The following ZDHHC14 variants were observed in gnomAD, a reference collection of about 807,000 sequenced individuals.
ZDHHC14 encodes zDHHC palmitoyltransferase 14.
Under a neutral mutation model 47.7 loss-of-function variants are expected in ZDHHC14, and 16 were observed. The ratio of observed to expected loss-of-function variants is 0.34; its 90% CI spans 0.23 to 0.51. The LOEUF is 0.51. Ranked by LOEUF, ZDHHC14 falls within the 20% of genes least tolerant of loss-of-function variation. ZDHHC14 has a pLI of 0.97. For synonymous variants in ZDHHC14, 293 were observed against 278.9 expected, an observed-to-expected ratio of 1.05 and a Z score of -0.50; for missense variants, 515 against 662.5, an observed-to-expected ratio of 0.78 and a Z score of 2.44.
intron 1 of ZDHHC14, among the ~76,000 whole-genome samples, chr6:157,497,941 A>T (rs1388316205): frequency 6.6e-6 from 1 of 152,228 alleles, no homozygotes; most frequent in Admixed American, 6.5e-5. Context: ...CAAAGAGACA[A>T]TGCCAATATC....
At chr6:157,486,445 A>G (rs1583696461) in intron 1 of ZDHHC14, among the ~76,000 whole-genome samples, 1 of 152,374 alleles carries the variant, frequency 6.6e-6, no homozygotes, top group East Asian at 1.9e-4. Flanking sequence ...CTTTCTAGCT[A>G]TGAAATTCTA....
intron 1 of ZDHHC14, among the ~76,000 whole-genome samples, chr6:157,519,372 A>G (rs1424510298): frequency 3.5e-5 from 3 of 84,840 alleles, no homozygotes; most frequent in Non-Finnish European, 7.7e-5. Context: ...GAAGTAGGGC[A>G]TTGCCTGGAA....
intron 3 of ZDHHC14, among the ~76,000 whole-genome samples, chr6:157,598,242 G>A (rs1389417383): frequency 6.6e-6 from 1 of 152,212 alleles, no homozygotes; most frequent in East Asian, 1.9e-4. Flanking sequence ...GTGTGGATTA[G>A]CACTTGGGAA....
At chr6:157,441,196 A>G (rs918171702) in intron 1 of ZDHHC14, among the ~76,000 whole-genome samples, 1 of 152,186 alleles carries the variant, frequency 6.6e-6, no homozygotes, top group East Asian at 1.9e-4. Flanking sequence ...AAAATAAGAG[A>G]TAGTGTTTTG....
intron 1 of ZDHHC14, among the ~76,000 whole-genome samples, chr6:157,500,040 G>T (rs1323677301): frequency 6.6e-6 from 1 of 152,200 alleles, no homozygotes; most frequent in Non-Finnish European, 1.5e-5. Flanking sequence ...ACTGATAGAA[G>T]AAAATTAAGA....
At chr6:157,535,834 A>G (rs1448153918) in intron 1 of ZDHHC14, among the ~76,000 whole-genome samples, 1 of 152,210 alleles carries the variant, frequency 6.6e-6, no homozygotes, top group Admixed American at 6.5e-5. Flanking sequence ...TTTGTCTCCA[A>G]GTAATGCGCT....
intron 8 of ZDHHC14, among the ~76,000 whole-genome samples, chr6:157,660,231 C>T (rs960583434): frequency 3.6e-4 from 52 of 145,482 alleles, no homozygotes; most frequent in Non-Finnish European, 6.6e-4. Flanking sequence ...TCACTCTTTT[C>T]GCCCAGGCTG....
intron 1 of ZDHHC14, among the ~76,000 whole-genome samples, chr6:157,440,580 C>T (rs1778542519): frequency 6.6e-6 from 1 of 152,120 alleles, no homozygotes. Context: ...CAATTGAATA[C>T]AAATACTGAA....
intron 1 of ZDHHC14, among the ~76,000 whole-genome samples, chr6:157,387,231 GA>G (rs112193006): frequency 7.3e-4 from 106 of 144,318 alleles, no homozygotes; most frequent in Admixed American, 4.2e-3. Context: ...TAATTCCTCT[GA>G]AAAAAAAAAA....
At chr6:157,551,919 TA>T (rs955325978) in intron 2 of ZDHHC14, among the ~76,000 whole-genome samples, 6 of 152,184 alleles carry the variant, frequency 3.9e-5, no homozygotes, top group African/African-American at 1.4e-4. Flanking sequence ...TCAGTGTCTG[TA>T]AAATAGACCC....
intron 1 of ZDHHC14, among the ~76,000 whole-genome samples, chr6:157,511,551 T>A (rs1403492953): frequency 6.8e-6 from 1 of 146,322 alleles, no homozygotes; most frequent in Non-Finnish European, 1.5e-5. Context: ...CGGGTACTTT[T>A]TTTTTTTTTT....
At chr6:157,436,582 G>A (rs1163879180) in intron 1 of ZDHHC14, among the ~76,000 whole-genome samples, 1 of 139,170 alleles carries the variant, frequency 7.2e-6, no homozygotes, top group Non-Finnish European at 1.6e-5. Context: ...ACTGCTGGGG[G>A]AGGGGGGGCG....
chr6:157,415,915 A>G (rs566125655), intron 1 of ZDHHC14, among the ~76,000 whole-genome samples: 2 of 152,132 alleles, frequency 1.3e-5, no homozygotes. Flanking sequence ...AAATAACTCC[A>G]AGGGAGGTAT....
At position 157,381,475 on chromosome 6, in the gene ZDHHC14, G is replaced by A. The variant is rs1411965992; in HGVS notation, c.-547G>A. 19 of 359,672 alleles carry A rather than the reference G, an allele frequency of 5.3e-5. No individual in the cohort carries two copies. The highest frequency in any genetic ancestry group is 9.0e-5 in the Non-Finnish European group (16 of 177,296). The allele number at this position is 359,672 out of a possible 1,614,324, so 22.3% of individuals were successfully genotyped here. On this transcript the variant is annotated 5_prime_UTR_variant, in exon 1 of 9. Coordinates refer to ENST00000359775, the MANE Select transcript of ZDHHC14 (RefSeq NM_024630.3). ...CTGGGAGGGGTTGCCGGTGCCGCGC[G>A]CGGCCGCCCAGTCGCCAGCGCTCTC...
intron 2 of ZDHHC14, among the ~76,000 whole-genome samples, chr6:157,590,421 C>T (rs920634076): frequency 5.3e-5 from 8 of 152,218 alleles, no homozygotes; most frequent in Non-Finnish European, 1.0e-4. Context: ...CCCAGCCACT[C>T]CAGCCATGGT....
intron 1 of ZDHHC14, among the ~76,000 whole-genome samples, chr6:157,404,090 A>G (rs774817114): frequency 5.9e-5 from 9 of 152,198 alleles, no homozygotes; most frequent in African/African-American, 2.2e-4. Flanking sequence ...ATATCTTTGG[A>G]GTCTATTGTA....
At chr6:157,657,142 G>A (rs1276868984) in intron 8 of ZDHHC14, among the ~76,000 whole-genome samples, 1 of 151,972 alleles carries the variant, frequency 6.6e-6, no homozygotes, top group Non-Finnish European at 1.5e-5. Context: ...TTCACCTCCT[G>A]GTCTCAAGGT....
At chr6:157,569,646 A>G (rs1783026877) in intron 2 of ZDHHC14, among the ~76,000 whole-genome samples, 1 of 152,166 alleles carries the variant, frequency 6.6e-6, no homozygotes, top group Admixed American at 6.5e-5. Context: ...ATAGATGTAT[A>G]AAGTAAGTTG....
chr6:157,400,395 G>A (rs975952386), intron 1 of ZDHHC14, among the ~76,000 whole-genome samples: 2 of 152,026 alleles, frequency 1.3e-5, no homozygotes, highest in Admixed American at 1.3e-4. Flanking sequence ...TCCAAACAGT[G>A]CCCTTCAAAC....
Sources: allele counts gnomAD v4.1 joint callset (sites outside exome capture counted in the v4.1 genomes callset), GRCh38; gene constraint gnomAD v4.1.1; transcripts MANE v1.5; gene names NCBI Gene and HGNC (gene_info 2026-07-23, HGNC 2026-07-21).